The following PKD1L1 variants were observed in gnomAD, a reference collection of about 807,000 sequenced individuals.
PKD1L1 encodes polycystin 1 like 1, transient receptor potential channel interacting, also known as polycystin-1-like protein 1.
PKD1L1 carries 236 observed loss-of-function variants against 323.4 expected under a neutral mutation model. The ratio of observed to expected loss-of-function variants is 0.73; its 90% confidence interval spans 0.66 to 0.81. The LOEUF (loss-of-function observed/expected upper bound fraction) is 0.81. Among genes scored for constraint, PKD1L1 ranks in the 40% least tolerant of loss-of-function variants. The pLI, the probability that PKD1L1 is intolerant of heterozygous loss-of-function variation, is 0.00. For synonymous variants in PKD1L1, 1,344 were observed against 1,335.0 expected (o/e 1.01, Z -0.15); for missense variants, 3,320 against 3,508.0 (o/e 0.95, Z 1.35).
intron 56 of PKD1L1, among the ~76,000 whole-genome samples, chr7:47,784,422 C>A (rs1315438848): frequency 6.6e-6 from 1 of 152,120 alleles, no homozygotes; most frequent in South Asian, 2.1e-4. Context: ...CAAATCATAT[C>A]TCACAACTAT....
chr7:47,884,718 C>T (rs79800952), intron 18 of PKD1L1, 61 bp from the exon 19 acceptor site: 20,639 of 1,368,970 alleles, frequency 0.015, 733 homozygotes, highest in African/African-American at 0.14. Context: ...CTGAAATTAA[C>T]AGCAGCTCCC....
chr7:47,947,822 T>C (rs1307252803), intron 1 of PKD1L1, among the ~76,000 whole-genome samples: 2 of 151,892 alleles, frequency 1.3e-5, no homozygotes, highest in African/African-American at 2.4e-5. Flanking sequence ...AAAAAATTAG[T>C]CGGGCGTGGT....
chr7:47,911,423 T>C (rs1787319873), intron 8 of PKD1L1, among the ~76,000 whole-genome samples: 1 of 152,232 alleles, frequency 6.6e-6, no homozygotes, highest in Admixed American at 6.5e-5. Flanking sequence ...TATTTCTTTA[T>C]AGCAATTGGA....
chr7:47,912,041 C>A (rs576252771), intron 8 of PKD1L1, among the ~76,000 whole-genome samples: 11 of 151,668 alleles, frequency 7.3e-5, no homozygotes, highest in African/African-American at 1.9e-4. Context: ...GTACAAGATA[C>A]TATAAGAGTC....
Position 47,862,817 on chromosome 7 carries a change from G to T in PKD1L1, c.4149+2399C>A, listed in dbSNP as rs574648385. Among the ~76,000 whole-genome samples the T allele has an allele frequency of 2.0e-5, 3 of 152,222 alleles. No homozygotes were observed. The South Asian group carries it at 6.2e-4, about 32-fold the overall frequency. On this transcript the variant is annotated intron_variant, in intron 26 of 56. Transcript: ENST00000289672. ...GCCAGGAAAGGAGGACAGAAGGAAA[G>T]AAGGAGCCAGACACTGCAGGTGCAT...
At chr7:47,894,114 C>G in intron 14 of PKD1L1, 55 bp from the exon 15 acceptor site, 1 of 1,454,848 alleles carries the variant, frequency 6.9e-7, no homozygotes, top group Non-Finnish European at 9.2e-7. Flanking sequence ...CAGGGACTCA[C>G]TGGAGAAACA....
intron 54 of PKD1L1, among the ~76,000 whole-genome samples, chr7:47,796,494 G>C (rs1166344232): frequency 1.3e-5 from 2 of 152,324 alleles, no homozygotes; most frequent in South Asian, 2.1e-4. Context: ...ATTCTGAGCT[G>C]TGGGTGAGCC....
At chr7:47,778,226 G>A (rs1744118415) in intron 56 of PKD1L1, among the ~76,000 whole-genome samples, 1 of 152,152 alleles carries the variant, frequency 6.6e-6, no homozygotes, top group South Asian at 2.1e-4. Context: ...GGCTGGGGAA[G>A]GAAGACCACC....
chr7:47,951,839 T>C (rs965082951), upstream of PKD1L1, among the ~76,000 whole-genome samples: 4 of 152,156 alleles, frequency 2.6e-5, no homozygotes, highest in African/African-American at 9.7e-5. Flanking sequence ...GTTTCTCAGG[T>C]TTCAATGCAA....
chr7:47,960,692 T>G, the PKD1L1 span, among the ~76,000 whole-genome samples: 1 of 134,346 alleles, frequency 7.4e-6, no homozygotes, highest in Non-Finnish European at 1.6e-5. Context: ...TTTTTCTAAT[T>G]AAAAAAAAAA....
At chr7:47,818,991 T>A (rs1239274084) in intron 46 of PKD1L1, among the ~76,000 whole-genome samples, 2 of 152,070 alleles carry the variant, frequency 1.3e-5, no homozygotes, top group African/African-American at 4.8e-5. Context: ...CAACCAAACA[T>A]GAGTTGGGGG....
At chr7:47,819,625 C>G in intron 46 of PKD1L1, 1 of 1,241,590 alleles carries the variant, frequency 8.1e-7, no homozygotes, top group Non-Finnish European at 1.1e-6. Flanking sequence ...CTTAATTTCA[C>G]TATTACAATG....
At chr7:47,886,206 TG>T in intron 17 of PKD1L1, 152 bp from the exon 18 acceptor site, 1 of 1,093,700 alleles carries the variant, frequency 9.1e-7, no homozygotes, top group Non-Finnish European at 1.3e-6. Context: ...GCAGAGAGTG[TG>T]GTGTTGGCGT....
At chr7:47,922,880 TTTTGTCGAA>T (rs1162870440) in intron 7 of PKD1L1, among the ~76,000 whole-genome samples, 2 of 152,084 alleles carry the variant, frequency 1.3e-5, no homozygotes, top group Non-Finnish European at 2.9e-5. Flanking sequence ...ACGATGGCGG[TTTTGTCGAA>T]TAGAAAAGGG....
chr7:47,893,565 G>C (rs1000299027), intron 15 of PKD1L1, among the ~76,000 whole-genome samples: 5 of 152,164 alleles, frequency 3.3e-5, no homozygotes, highest in Admixed American at 6.5e-5. Context: ...CTGGAGATGA[G>C]CAACCCGTGG....
chr7:47,840,459 AC>A lies in PKD1L1; in HGVS notation c.5552+1del. 1 of 1,608,328 alleles carries A rather than the reference AC, an allele frequency of 6.2e-7. No homozygotes were observed. Among genetic ancestry groups the A allele is most frequent in the Non-Finnish European group, 8.5e-7 (1 of 1,174,778 alleles). On this transcript the variant is annotated splice_donor_variant, in intron 35 of 56. Coordinates refer to ENST00000289672, the MANE Select transcript of PKD1L1 (RefSeq NM_138295.5). LOFTEE classifies it high-confidence loss of function. The surrounding 1 kb of genome is among the most constrained non-coding windows in gnomAD (Gnocchi z 4.1). The stretch of plus-strand genomic sequence containing the variant: ...ATCTAGCAGTGAAATATTTTGGAAT[AC>A]CTCAGGATAAAGGTGTGTCTGGAAT...
chr7:47,937,274 C>G (rs2708879), intron 3 of PKD1L1, among the ~76,000 whole-genome samples: 54,242 of 110,092 alleles, frequency 0.49, 14,382 homozygotes, highest in Non-Finnish European at 0.5. Context: ...GGGGGGGGCG[C>G]GGTGCTTTTT....
Position 47,800,792 on chromosome 7 carries a change from C to T in PKD1L1, c.8050G>A (p.Asp2684Asn), listed in dbSNP as rs1784644658. Residue 2684 changes from aspartate (D) to asparagine (N), a missense_variant, in exon 54 of 57, where the codon GAC (aspartate) becomes AAC (asparagine). Coordinates refer to ENST00000289672, the MANE Select transcript of PKD1L1 (RefSeq NM_138295.5). ...TGAAACAGCAGCCCGGGGAAGGCGT[C>T]TGTGAAGGTGCCAGGTGGTAGAACC... ...MWVLPPGTFT[D>N]AFPGLLFHFP... The T allele has an allele frequency of 1.9e-6, 3 of 1,613,920 alleles. No individual in the cohort carries two copies. The African/African-American group carries it at 4.0e-5, about 22-fold the overall frequency.
At position 47,868,665 on chromosome 7, in the gene PKD1L1, C is replaced by T. The variant is rs538677799; in HGVS notation, c.3897-2051G>A. Among the ~76,000 whole-genome samples the T allele has an allele frequency of 2.9e-4, 44 of 152,284 alleles. 1 individual carries two copies. Among genetic ancestry groups the T allele is most frequent in the African/African-American group, 9.9e-4 (41 of 41,554 alleles). On this transcript the variant is annotated intron_variant, in intron 24 of 56. Transcript: ENST00000289672. The stretch of plus-strand genomic sequence containing the variant: ...CCGAGGCAGGCGGATCACCTGAGGT[C>T]GGGAGTTCGAGACCAGCCTGACCAA...
Sources: allele counts gnomAD v4.1 joint callset (sites outside exome capture counted in the v4.1 genomes callset), GRCh38; gene constraint gnomAD v4.1.1; non-coding constraint Gnocchi (gnomAD v3.1); transcripts MANE v1.5; gene names NCBI Gene and HGNC (gene_info 2026-07-23, HGNC 2026-07-21).